PCLO: variants seen among roughly 807,000 people sequenced by gnomAD.
PCLO encodes the protein protein piccolo.
PCLO carries 82 observed loss-of-function variants against 427.5 expected under a neutral mutation model. That is an observed-to-expected ratio of 0.19 (90% confidence interval 0.16 to 0.23). The LOEUF is 0.23. PCLO is among the 10% of genes least tolerant of loss of function. The pLI is 1.00. For synonymous variants in PCLO, 2,357 were observed against 2,155.4 expected (o/e 1.09, Z -2.59); for missense variants, 6,239 against 6,115.9 (o/e 1.02, Z -0.67).
Position 82,949,728 on chromosome 7 carries a change from G to C in PCLO, c.10860C>G (p.Pro3620=), listed in dbSNP as rs745689446. The part of the protein sequence containing the change: ...VQLAPSPPKS[P]KVLYSPISPL... ...GTGAGATGGGTGAGTAAAGGACTTTGGGGGATTTGGGTGGGGAAGGAGCCA... is the reference window on the plus strand; with the variant it reads ...GTGAGATGGGTGAGTAAAGGACTTTCGGGGATTTGGGTGGGGAAGGAGCCA... The change falls in exon 6 of 25, where the codon CCC becomes CCG. Residue 3620 remains proline, a synonymous_variant. Coordinates refer to ENST00000333891, the MANE Select transcript of PCLO (RefSeq NM_033026.6). 7 of 1,613,774 alleles carry C rather than the reference G, an allele frequency of 4.3e-6. No homozygotes were observed. In the South Asian group the frequency reaches 7.7e-5, roughly 18 times the overall value.
At chr7:83,061,601 G>C (rs558765086) in intron 3 of PCLO, among the ~76,000 whole-genome samples, 1 of 152,254 alleles carries the variant, frequency 6.6e-6, no homozygotes, top group African/African-American at 2.4e-5. Context: ...TCTATCACAA[G>C]TGGACTGGTT....
chr7:82,921,516 T>C (rs1310330808), intron 6 of PCLO, among the ~76,000 whole-genome samples: 3 of 152,058 alleles, frequency 2.0e-5, no homozygotes, highest in East Asian at 1.9e-4. Flanking sequence ...ATTCAACAAA[T>C]GGTGCTAGGA....
At chr7:83,093,492 A>ATATATATTTTTT in intron 3 of PCLO, among the ~76,000 whole-genome samples, 2 of 59,298 alleles carry the variant, frequency 3.4e-5, no homozygotes, top group African/African-American at 5.4e-5. Flanking sequence ...ATATATATAT[A>ATATATATTTTTT]TTTTTTTTTT....
At chr7:83,123,956 CAAAAAAAAA>C (rs71074625) in intron 3 of PCLO, among the ~76,000 whole-genome samples, 2 of 29,056 alleles carry the variant, frequency 6.9e-5, no homozygotes, top group African/African-American at 1.7e-4. Context: ...AACTCTGTCT[CAAAAAAAAA>C]AAAAAAAAAA....
chr7:82,860,377 C>T (rs113791494), intron 10 of PCLO, among the ~76,000 whole-genome samples: 3,165 of 152,010 alleles, frequency 0.021, 121 homozygotes, highest in African/African-American at 0.072. Context: ...TCAGTGGAAA[C>T]CTTACGGGCC....
At chr7:83,033,787 A>C (rs2116160596) in intron 3 of PCLO, among the ~76,000 whole-genome samples, 2 of 152,068 alleles carry the variant, frequency 1.3e-5, no homozygotes, top group South Asian at 2.1e-4. Flanking sequence ...ATTTTTCAAT[A>C]TTTTTAAATT....
intron 13 of PCLO, among the ~76,000 whole-genome samples, 152 bp from the exon 14 acceptor site, chr7:82,841,661 C>T (rs1291471715): frequency 6.6e-6 from 1 of 152,058 alleles, no homozygotes; most frequent in Non-Finnish European, 1.5e-5. Flanking sequence ...ATAATGGTGT[C>T]TACTTACGGT....
intron 3 of PCLO, among the ~76,000 whole-genome samples, chr7:83,054,897 A>G (rs527830380): frequency 2.0e-5 from 3 of 152,106 alleles, no homozygotes; most frequent in Non-Finnish European, 4.4e-5. Flanking sequence ...ACAATGAAGT[A>G]ACTATAATTT....
chr7:82,914,967 G>A lies in PCLO; in HGVS notation c.13019C>T (p.Thr4340Ile). 1 of 1,613,674 alleles carries A rather than the reference G, an allele frequency of 6.2e-7. No individual in the cohort carries two copies. ...HASSSARTKP[T>I]SLPISQSRGR... ...TCTACTTTGACTAATTGGCAAACTGGTCGGCTTAGTTCTGGCAGAGGATGA... is the reference window on the plus strand; with the variant it reads ...TCTACTTTGACTAATTGGCAAACTGATCGGCTTAGTTCTGGCAGAGGATGA... Residue 4340 changes from threonine to isoleucine, a missense_variant, in exon 7 of 25, where the codon ACC (threonine) becomes ATC (isoleucine). By Grantham distance (89) the Thr-to-Ile change is moderately conservative (BLOSUM62 -1). This residue lies in a region of PCLO where 680 missense variants were observed against 677.3 expected (regional missense o/e 1.00). Transcript: ENST00000333891.
intron 3 of PCLO, among the ~76,000 whole-genome samples, chr7:82,997,610 A>C (rs927103479): frequency 2.0e-5 from 3 of 151,982 alleles, no homozygotes; most frequent in Non-Finnish European, 2.9e-5. Flanking sequence ...TGGTATAAAC[A>C]CATGTCCCAA....
At chr7:82,997,580 T>C (rs1259950036) in intron 3 of PCLO, among the ~76,000 whole-genome samples, 3 of 151,864 alleles carry the variant, frequency 2.0e-5, no homozygotes, top group African/African-American at 7.3e-5. Flanking sequence ...CAAGCAGAGT[T>C]GCATAAACAA....
chr7:82,837,781 TAATC>T (rs1305209790), intron 15 of PCLO, among the ~76,000 whole-genome samples: 27 of 152,108 alleles, frequency 1.8e-4, no homozygotes, highest in Middle Eastern at 3.4e-3. Context: ...AGAAGCCACT[TAATC>T]AACACTAACA....
intron 3 of PCLO, among the ~76,000 whole-genome samples, chr7:83,092,927 A>G (rs1176435941): frequency 7.1e-6 from 1 of 141,320 alleles, no homozygotes; most frequent in Admixed American, 7.6e-5. Flanking sequence ...AGCCTGGGTG[A>G]CAGAGCAAGA....
intron 10 of PCLO, among the ~76,000 whole-genome samples, chr7:82,875,482 C>T (rs1793347332): frequency 6.6e-6 from 1 of 151,842 alleles, no homozygotes; most frequent in Non-Finnish European, 1.5e-5. Context: ...ATCAAATAAC[C>T]AGAGCAGTCA....
intron 3 of PCLO, among the ~76,000 whole-genome samples, chr7:83,077,283 G>C (rs979162970): frequency 1.3e-5 from 2 of 152,022 alleles, no homozygotes; most frequent in African/African-American, 4.8e-5. Context: ...CAGCTTGTGT[G>C]ACAAACAGGT....
chr7:82,919,072 ACTT>A (rs1179889755), intron 6 of PCLO, among the ~76,000 whole-genome samples: 2 of 151,924 alleles, frequency 1.3e-5, no homozygotes, highest in Admixed American at 6.6e-5. Flanking sequence ...GTAGGCTTGC[ACTT>A]CTTGTGTTTA....
chr7:83,162,306 T>C, intron 1 of PCLO, 39 bp downstream of exon 1: 4 of 1,555,920 alleles, frequency 2.6e-6, no homozygotes, highest in South Asian at 1.2e-5. Context: ...CGGGAAGCTG[T>C]ACATATATGC....
intron 3 of PCLO, among the ~76,000 whole-genome samples, chr7:83,112,008 G>A (rs1290979351): frequency 6.6e-6 from 1 of 151,722 alleles, no homozygotes; most frequent in African/African-American, 2.4e-5. Flanking sequence ...GAGAGTGACA[G>A]AGTATTTTAA....
intron 6 of PCLO, among the ~76,000 whole-genome samples, chr7:82,928,237 T>C (rs1794758955): frequency 6.6e-6 from 1 of 152,224 alleles, no homozygotes; most frequent in South Asian, 2.1e-4. Context: ...GTGTTTGCTA[T>C]ATGTACTTGA....
Sources: allele counts gnomAD v4.1 joint callset (sites outside exome capture counted in the v4.1 genomes callset), GRCh38; gene constraint gnomAD v4.1.1; regional missense constraint gnomAD v4.1.1; transcripts MANE v1.5; gene names NCBI Gene and HGNC (gene_info 2026-07-23, HGNC 2026-07-21).